Variants in OSMR observed in about 807,000 individuals in gnomAD.
OSMR encodes the protein oncostatin M receptor.
Under a neutral mutation model 99.9 loss-of-function variants are expected in OSMR, and 81 were observed. That is an observed-to-expected ratio of 0.81 (90% confidence interval 0.68 to 0.97). The LOEUF (loss-of-function observed/expected upper bound fraction) is 0.97, where lower values mean the gene tolerates loss of function less well. Ranked by LOEUF, OSMR falls within the 50% of genes least tolerant of loss-of-function variation. OSMR has a pLI of 0.00. For synonymous variants in OSMR, 406 were observed against 410.4 expected, an observed-to-expected ratio of 0.99 and a Z score of 0.13; for missense variants, 1,099 against 1,153.4, an observed-to-expected ratio of 0.95 and a Z score of 0.68.
At chr5:38,892,711 A>G (rs1423129626) in intron 7 of OSMR, among the ~76,000 whole-genome samples, 1 of 152,150 alleles carries the variant, frequency 6.6e-6, no homozygotes, top group East Asian at 1.9e-4. Context: ...GAGTCACAAA[A>G]CAGACATTTC....
At chr5:38,877,807 A>T (rs1742955827) in intron 3 of OSMR, among the ~76,000 whole-genome samples, 1 of 152,232 alleles carries the variant, frequency 6.6e-6, no homozygotes, top group Non-Finnish European at 1.5e-5. Context: ...TTATGTTACA[A>T]AAAATAATAT....
At chr5:38,939,295 G>C (rs1487588236), downstream of OSMR, 2 of 232,234 alleles carry the variant, frequency 8.6e-6, no homozygotes, top group African/African-American at 2.2e-5. Flanking sequence ...CTAGATAAAA[G>C]AGCTGAAACC....
chr5:38,925,121 TC>T, intron 14 of OSMR, 82 bp from the exon 15 acceptor site: 2 of 1,582,100 alleles, frequency 1.3e-6, no homozygotes, highest in Non-Finnish European at 1.7e-6. Flanking sequence ...AGCATTAGTG[TC>T]CAGCTCTCTC....
intron 3 of OSMR, among the ~76,000 whole-genome samples, chr5:38,877,462 G>A (rs357269): frequency 0.17 from 26,025 of 152,136 alleles, 2,435 homozygotes; most frequent in African/African-American, 0.22. Flanking sequence ...CCCACAATGA[G>A]ACTTATTTAG....
intron 1 of OSMR, among the ~76,000 whole-genome samples, chr5:38,943,556 G>C (rs1259130674): frequency 6.6e-6 from 1 of 152,096 alleles, no homozygotes; most frequent in Non-Finnish European, 1.5e-5. Context: ...GCTCATGCCT[G>C]TAATCCCAGC....
downstream of OSMR, among the ~76,000 whole-genome samples, chr5:38,935,794 C>CTAT (rs1554056982): frequency 6.6e-6 from 1 of 152,014 alleles, no homozygotes; most frequent in Non-Finnish European, 1.5e-5. Flanking sequence ...GACCTGGAAT[C>CTAT]TATTTTTTAT....
At chr5:38,887,723 C>G (rs913989011) in intron 7 of OSMR, among the ~76,000 whole-genome samples, 6 of 151,986 alleles carry the variant, frequency 3.9e-5, no homozygotes, top group African/African-American at 1.5e-4. Context: ...CTATGAAAAC[C>G]CCTCCTGGGC....
At chr5:38,921,295 A>T (rs1043434519) in intron 11 of OSMR, among the ~76,000 whole-genome samples, 2 of 152,126 alleles carry the variant, frequency 1.3e-5, no homozygotes, top group African/African-American at 2.4e-5. Context: ...CTCAAGGGTC[A>T]TATGAAAACA....
At position 38,918,099 on chromosome 5, in the gene OSMR, A is replaced by G. The variant is rs188125666; in HGVS notation, c.1362+477A>G. On this transcript the variant is annotated intron_variant, in intron 10 of 17. Transcript: ENST00000274276. The stretch of plus-strand genomic sequence containing the variant: ...TGATGCGTCAGTTTCACACTGAAAC[A>G]TGGTGATCCTGGGAGAGTTGGCTCT... Among the ~76,000 whole-genome samples, 141 of 152,260 alleles carry G rather than the reference A, an allele frequency of 9.3e-4. 1 individual carries two copies. The highest frequency in any genetic ancestry group is 3.3e-3 in the African/African-American group (137 of 41,554).
At chr5:38,866,883 C>T (rs1390413126) in intron 1 of OSMR, among the ~76,000 whole-genome samples, 1 of 152,150 alleles carries the variant, frequency 6.6e-6, no homozygotes, top group Non-Finnish European at 1.5e-5. Context: ...CTGGGGATCT[C>T]TCACTTAACT....
chr5:38,847,814 C>T (rs1739995275), intron 1 of OSMR, among the ~76,000 whole-genome samples: 1 of 152,136 alleles, frequency 6.6e-6, no homozygotes, highest in African/African-American at 2.4e-5. Flanking sequence ...CCCGTTTGTC[C>T]CAGCAGGTGT....
chr5:38,944,263 A>G (rs574190505), exon 2 of OSMR: 2 of 674,986 alleles, frequency 3.0e-6, no homozygotes, highest in East Asian at 5.8e-5. Context: ...TCTACATTCA[A>G]TCTGTTGCCA....
chr5:38,881,888 G>A, intron 4 of OSMR, 124 bp downstream of exon 4: 1 of 836,508 alleles, frequency 1.2e-6, no homozygotes, highest in East Asian at 2.6e-5. Flanking sequence ...TTTTCCTTTG[G>A]CTCCTATGGG....
intron 1 of OSMR, among the ~76,000 whole-genome samples, chr5:38,864,749 G>C (rs1251792380): frequency 6.6e-6 from 1 of 152,014 alleles, no homozygotes; most frequent in Non-Finnish European, 1.5e-5. Flanking sequence ...TGGGATCTCT[G>C]AGCTTTCTGT....
In OSMR at chr5:38,886,000, AC is replaced by A. The variant is rs780646369; in HGVS notation, c.840-37del. 8.9e-5 allele frequency: 143 copies of A among 1,609,202 alleles called. 1 individual carries two copies. Among genetic ancestry groups the A allele is most frequent in the Non-Finnish European group, 1.2e-4 (137 of 1,178,918 alleles). ...TACATTTGCTTTGACAAAAGTAAAAACCTCGTAATGGTTGTGTTATTTTGTT... is the reference window on the plus strand; with the variant it reads ...TACATTTGCTTTGACAAAAGTAAAAACTCGTAATGGTTGTGTTATTTTGTT... On this transcript the variant is annotated intron_variant, in intron 6 of 17. Transcript: ENST00000274276.
intron 1 of OSMR, among the ~76,000 whole-genome samples, chr5:38,856,025 C>T (rs1271944660): frequency 6.6e-6 from 1 of 152,182 alleles, no homozygotes; most frequent in African/African-American, 2.4e-5. Flanking sequence ...AGCCCCCAAC[C>T]TCAGGGTCTT....
intron 10 of OSMR, among the ~76,000 whole-genome samples, chr5:38,918,118 T>C (rs1746022230): frequency 6.6e-6 from 1 of 152,074 alleles, no homozygotes; most frequent in Non-Finnish European, 1.5e-5. Context: ...CTGGGAGAGT[T>C]GGCTCTGGTC....
At chr5:38,941,205 C>T (rs983652313) in intron 1 of OSMR, 9 of 232,788 alleles carry the variant, frequency 3.9e-5, no homozygotes, top group African/African-American at 1.8e-4. Flanking sequence ...AACCCACCTA[C>T]CACTGCATTT....
At chr5:38,909,181 G>A (rs1745421148) in intron 9 of OSMR, among the ~76,000 whole-genome samples, 1 of 152,038 alleles carries the variant, frequency 6.6e-6, no homozygotes, top group Non-Finnish European at 1.5e-5. Flanking sequence ...ATATAACTCA[G>A]TCAGACAAAA....
Sources: allele counts gnomAD v4.1 joint callset (sites outside exome capture counted in the v4.1 genomes callset), GRCh38; gene constraint gnomAD v4.1.1; transcripts MANE v1.5; gene names NCBI Gene and HGNC (gene_info 2026-07-23, HGNC 2026-07-21).